Variants in MDGA2 observed in about 807,000 individuals in gnomAD.
MDGA2 encodes the protein MAM domain containing glycosylphosphatidylinositol anchor 2.
In MDGA2, 40 loss-of-function variants were observed where a neutral mutation model predicts 117.8. The observed-to-expected ratio is 0.34, with a 90% confidence interval of 0.26 to 0.44. The LOEUF (loss-of-function observed/expected upper bound fraction) is 0.44, where lower values mean the gene tolerates loss of function less well. Ranked by LOEUF, MDGA2 falls within the 20% of genes least tolerant of loss-of-function variation. The pLI is 1.00. For synonymous variants in MDGA2, 452 were observed against 439.0 expected (o/e 1.03, Z -0.37); for missense variants, 1,123 against 1,250.6 (o/e 0.90, Z 1.54).
intron 1 of MDGA2, among the ~76,000 whole-genome samples, chr14:47,530,534 CCTT>C (rs1402210625): frequency 6.6e-6 from 1 of 152,134 alleles, no homozygotes; most frequent in Non-Finnish European, 1.5e-5. Flanking sequence ...CCCCATGTGA[CCTT>C]CTCACCTCAT....
chr14:47,203,871 T>C lies in MDGA2; in HGVS notation c.595+14150A>G, dbSNP rs1047230740. 4.6e-5 allele frequency among the ~76,000 whole-genome samples: 7 copies of C among 152,026 alleles called. No individual in the cohort carries two copies. The South Asian group carries it at 6.2e-4, about 13-fold the overall frequency. On this transcript the variant is annotated intron_variant, in intron 3 of 16. Transcript: ENST00000399232. ...TTCAGAGCTATGAGAAGGAAACTTA[T>C]CTAAAAATACTTCCTGAGGATACAC...
chr14:47,577,307 G>A lies in MDGA2; in HGVS notation c.280+97210C>T, dbSNP rs542986140. Among the ~76,000 whole-genome samples, 9 of 152,092 alleles carry A rather than the reference G, an allele frequency of 5.9e-5. No homozygotes were observed. In the South Asian group the frequency reaches 8.3e-4, roughly 14 times the overall value. On this transcript the variant is annotated intron_variant, in intron 1 of 16. Transcript: ENST00000399232. ...AATTAACTCCAGATGGGTTAAAGACGTAAATGTAAAACCCCAAACCATAAA... is the reference window on the plus strand; with the variant it reads ...AATTAACTCCAGATGGGTTAAAGACATAAATGTAAAACCCCAAACCATAAA...
chr14:46,867,569 A>G (rs953489755), intron 14 of MDGA2, among the ~76,000 whole-genome samples: 1 of 152,056 alleles, frequency 6.6e-6, no homozygotes, highest in Non-Finnish European at 1.5e-5. Flanking sequence ...AAACTTAATG[A>G]TTAGTTAATT....
At chr14:47,414,492 G>T (rs367566287) in intron 1 of MDGA2, among the ~76,000 whole-genome samples, 33 of 152,192 alleles carry the variant, frequency 2.2e-4, no homozygotes, top group African/African-American at 7.7e-4. Context: ...AATTACAAAT[G>T]AGTATCTAAA....
chr14:46,956,225 C>T (rs187120850), intron 9 of MDGA2, among the ~76,000 whole-genome samples: 1 of 152,034 alleles, frequency 6.6e-6, no homozygotes, highest in Non-Finnish European at 1.5e-5. Flanking sequence ...ACATAATGTC[C>T]AGTTTCTTTT....
At chr14:47,570,063 G>A (rs757397101) in intron 1 of MDGA2, among the ~76,000 whole-genome samples, 7 of 151,962 alleles carry the variant, frequency 4.6e-5, no homozygotes, top group Non-Finnish European at 1.0e-4. Flanking sequence ...AATGAATAAA[G>A]GAAAAGGTTT....
In MDGA2 at chr14:46,841,815, G is replaced by T; in HGVS notation, c.*116C>A. ...AATTTGTTTTTATTATTTTATTTTT[G>T]AGTCAGTAGTCAGTGGAGGAATCTT... On this transcript the variant is annotated 3_prime_UTR_variant, in exon 17 of 17. Transcript: ENST00000399232. 3 of 626,692 alleles carry T rather than the reference G, an allele frequency of 4.8e-6. No individual in the cohort carries two copies. The highest frequency in any genetic ancestry group is 8.0e-6 in the Non-Finnish European group (3 of 375,782). 38.8% of individuals were successfully genotyped at this position (626,692 alleles called of 1,614,324 possible). A position where few individuals can be genotyped will look rare whatever the true frequency, so the allele number is the denominator to read the frequency against.
At chr14:46,987,123 C>T (rs1886889830) in intron 8 of MDGA2, among the ~76,000 whole-genome samples, 1 of 152,046 alleles carries the variant, frequency 6.6e-6, no homozygotes, top group Admixed American at 6.6e-5. Context: ...TGTGCATTTA[C>T]CTCCACTTAT....
intron 1 of MDGA2, among the ~76,000 whole-genome samples, chr14:47,409,863 C>G (rs547948192): frequency 1.3e-5 from 2 of 152,158 alleles, no homozygotes; most frequent in East Asian, 3.9e-4. Context: ...TCTAAAGAAA[C>G]AGCGTGGACC....
At chr14:47,517,561 G>C (rs1894779695) in intron 1 of MDGA2, among the ~76,000 whole-genome samples, 1 of 152,010 alleles carries the variant, frequency 6.6e-6, no homozygotes, top group African/African-American at 2.4e-5. Flanking sequence ...TGCAAAATAT[G>C]ATGTTAAATG....
At chr14:47,470,063 G>A (rs1397879450) in intron 1 of MDGA2, among the ~76,000 whole-genome samples, 1 of 151,928 alleles carries the variant, frequency 6.6e-6, no homozygotes, top group Non-Finnish European at 1.5e-5. Context: ...GAGATTTTGT[G>A]AGGCTTCCTG....
intron 1 of MDGA2, among the ~76,000 whole-genome samples, chr14:47,308,097 C>G (rs1201887952): frequency 6.6e-6 from 1 of 152,112 alleles, no homozygotes; most frequent in African/African-American, 2.4e-5. Context: ...AAGGTCATTG[C>G]CTTTGGGAAT....
At chr14:47,484,020 A>T (rs1894006599) in intron 1 of MDGA2, among the ~76,000 whole-genome samples, 1 of 152,228 alleles carries the variant, frequency 6.6e-6, no homozygotes, top group Non-Finnish European at 1.5e-5. Context: ...AGTTTTAAAA[A>T]TAAGTTTTGT....
chr14:47,627,377 G>C (rs2138213130), intron 1 of MDGA2, among the ~76,000 whole-genome samples: 1 of 151,302 alleles, frequency 6.6e-6, no homozygotes, highest in East Asian at 2.0e-4. Context: ...TAATCTGGTG[G>C]GGACTTGGAG....
At chr14:47,307,006 A>G (rs1004559535) in intron 1 of MDGA2, among the ~76,000 whole-genome samples, 5 of 152,140 alleles carry the variant, frequency 3.3e-5, no homozygotes, top group African/African-American at 1.2e-4. Context: ...ACAATAATCA[A>G]ACTTTCTTCC....
At chr14:47,086,640 T>C (rs898380740) in intron 6 of MDGA2, among the ~76,000 whole-genome samples, 1 of 152,078 alleles carries the variant, frequency 6.6e-6, no homozygotes, top group Admixed American at 6.5e-5. Context: ...TAATTATCAA[T>C]AGTTTCTAAT....
At chr14:47,315,559 C>T (rs919597030) in intron 1 of MDGA2, among the ~76,000 whole-genome samples, 2 of 151,860 alleles carry the variant, frequency 1.3e-5, no homozygotes, top group African/African-American at 2.4e-5. Context: ...TTTGCTTTTC[C>T]TCCTCCCACA....
intron 1 of MDGA2, among the ~76,000 whole-genome samples, chr14:47,634,336 A>G (rs565700853): frequency 6.6e-6 from 1 of 152,268 alleles, no homozygotes; most frequent in Non-Finnish European, 1.5e-5. Flanking sequence ...TTTGATATAA[A>G]CTGATTTCAA....
At chr14:47,556,695 T>A (rs867555815) in intron 1 of MDGA2, among the ~76,000 whole-genome samples, 7 of 152,332 alleles carry the variant, frequency 4.6e-5, no homozygotes, top group Middle Eastern at 3.4e-3. Flanking sequence ...TAAAATTATC[T>A]GAGTTTAAAA....
Sources: gnomAD v4.1 joint callset for allele counts (sites outside exome capture counted in the v4.1 genomes callset) on GRCh38, gnomAD v4.1.1 for gene constraint, MANE v1.5 for transcripts, NCBI Gene and HGNC (gene_info 2026-07-23, HGNC 2026-07-21) for gene names.